IQSEC3: variants seen among roughly 807,000 people sequenced by gnomAD.
IQSEC3 encodes the protein IQ motif and Sec7 domain ArfGEF 3, also known as IQ motif and SEC7 domain-containing protein 3.
IQSEC3 carries 50 observed loss-of-function variants against 105.4 expected under a neutral mutation model. The ratio of observed to expected loss-of-function variants is 0.47; its 90% CI spans 0.38 to 0.60. The LOEUF is 0.60. IQSEC3 is among the 20% of genes least tolerant of loss of function. IQSEC3 has a pLI of 0.00. For synonymous variants in IQSEC3, 708 were observed against 746.0 expected, an observed-to-expected ratio of 0.95 and a Z score of 0.83; for missense variants, 1,415 against 1,630.0, an observed-to-expected ratio of 0.87 and a Z score of 2.27.
intron 1 of IQSEC3, among the ~76,000 whole-genome samples, chr12:86,751 C>T (rs1863929790): frequency 6.6e-6 from 1 of 152,094 alleles, no homozygotes; most frequent in Non-Finnish European, 1.5e-5. Flanking sequence ...TCTTGTTTGA[C>T]CTTCACAACA....
At chr12:149,442 G>C (rs547821138) in intron 5 of IQSEC3, among the ~76,000 whole-genome samples, 10 of 152,298 alleles carry the variant, frequency 6.6e-5, no homozygotes, top group African/African-American at 2.4e-4. Flanking sequence ...AGCAAAGCAG[G>C]CTGAGTAATC....
chr12:71,004 T>C (rs1163571971), intron 1 of IQSEC3, among the ~76,000 whole-genome samples: 3 of 152,272 alleles, frequency 2.0e-5, no homozygotes, highest in Non-Finnish European at 4.4e-5. Context: ...TCCCATCTTC[T>C]CTTCCTTCTA....
At position 175,152 on chromosome 12, in the gene IQSEC3, T is replaced by G. The variant is rs1385833851; in HGVS notation, c.*119T>G. 1.9e-5 allele frequency: 16 copies of G among 834,120 alleles called. No homozygotes were observed. Among genetic ancestry groups the G allele is most frequent in the Non-Finnish European group, 2.7e-5 (15 of 559,368 alleles). 51.7% of individuals were successfully genotyped at this position (834,120 alleles called of 1,614,324 possible). The stretch of plus-strand genomic sequence containing the variant: ...TCCTGGTCACTGATCACCATCATTT[T>G]GGGAAGAGAATCCCAATCCCTGGCA... On this transcript the variant is annotated 3_prime_UTR_variant, in exon 14 of 14. Transcript: ENST00000538872.
At chr12:72,121 A>G (rs565340136) in intron 1 of IQSEC3, among the ~76,000 whole-genome samples, 2 of 152,296 alleles carry the variant, frequency 1.3e-5, no homozygotes, top group South Asian at 2.1e-4. Flanking sequence ...CTCACTCCCA[A>G]TCTCTCCCCA....
intron 12 of IQSEC3, 97 bp downstream of exon 12, chr12:169,202 TC>T: frequency 4.2e-6 from 4 of 958,316 alleles, no homozygotes; most frequent in Non-Finnish European, 4.8e-6. Flanking sequence ...AGGTGCCCAT[TC>T]CCGTGGCGTG....
rs1866739039 is a variant in IQSEC3, at chr12:157,606, C to T, written c.2355C>T (p.Ala785=). 7 of 1,614,120 alleles carry T rather than the reference C, an allele frequency of 4.3e-6. No individual in the cohort carries two copies. The highest frequency in any genetic ancestry group is 5.1e-6 in the Non-Finnish European group (6 of 1,180,048). Residue 785 remains alanine (A), a synonymous_variant, in exon 7 of 14, where the codon GCC becomes GCT. Coordinates refer to ENST00000538872, the MANE Select transcript of IQSEC3 (RefSeq NM_001170738.2). ...ACACCATCTTCATCCTCGCCTTCGC[C>T]ATCATCCTCCTCAACACCGACATGT... is the stretch of plus-strand genomic sequence containing the variant. ...NPDTIFILAF[A]IILLNTDMYS... is the part of the protein sequence containing the mutation.
intron 8 of IQSEC3, 137 bp downstream of exon 8, chr12:162,202 G>A (rs1037553320): frequency 6.3e-6 from 6 of 954,234 alleles, no homozygotes; most frequent in Non-Finnish European, 9.1e-6. Flanking sequence ...TACCTACTGT[G>A]TGCCAGACAC....
Position 125,929 on chromosome 12 carries a change from A to G in IQSEC3, c.903+17A>G, listed in dbSNP as rs1865383393. On this transcript the variant is annotated intron_variant, in intron 3 of 13. Transcript: ENST00000538872. ...AATAAACAGGTACCCAGGGCCTCCT[A>G]GGGGGGCGGGGAGGGTGGTGAAGGG... 6 of 1,527,980 alleles carry G rather than the reference A, an allele frequency of 3.9e-6. No individual in the cohort carries two copies. Among genetic ancestry groups the G allele is most frequent in the Non-Finnish European group, 5.2e-6 (6 of 1,144,030 alleles). 94.7% of individuals were successfully genotyped at this position (1,527,980 alleles called of 1,614,324 possible). A position where few individuals can be genotyped will look rare whatever the true frequency, so the allele number is the denominator to read the frequency against.
chr12:173,716 C>T lies in IQSEC3; in HGVS notation c.3115-883C>T, dbSNP rs76683891. Among the ~76,000 whole-genome samples the T allele has an allele frequency of 3.7e-3, 566 of 152,246 alleles. 4 individuals are homozygous for T. Among genetic ancestry groups the T allele is most frequent in the African/African-American group, 0.012 (516 of 41,544 alleles). ...TCATAGCCACGGGCAGGGGAGCTTGCGGGTGGAACGGTGTGAGGAGTTAAA... is the reference window on the plus strand; with the variant it reads ...TCATAGCCACGGGCAGGGGAGCTTGTGGGTGGAACGGTGTGAGGAGTTAAA... On this transcript the variant is annotated intron_variant, in intron 13 of 13. Transcript: ENST00000538872.
chr12:72,295 G>A (rs1207372855), intron 1 of IQSEC3, among the ~76,000 whole-genome samples: 6 of 151,534 alleles, frequency 4.0e-5, no homozygotes, highest in East Asian at 1.9e-4. Context: ...AGCTGGGGTC[G>A]GGGCTGGGTG....
chr12:113,008 C>T (rs1864941748), intron 2 of IQSEC3, among the ~76,000 whole-genome samples: 1 of 152,066 alleles, frequency 6.6e-6, no homozygotes, highest in Non-Finnish European at 1.5e-5. Flanking sequence ...AGAGGATCGC[C>T]TCTCATTGTC....
chr12:86,537 A>C (rs1279274918), intron 1 of IQSEC3, among the ~76,000 whole-genome samples: 1 of 152,140 alleles, frequency 6.6e-6, no homozygotes, highest in Non-Finnish European at 1.5e-5. Context: ...TAAGCCTTCG[A>C]GATAGATGCT....
At chr12:128,621 C>T (rs1165942644) in intron 3 of IQSEC3, among the ~76,000 whole-genome samples, 1 of 152,232 alleles carries the variant, frequency 6.6e-6, no homozygotes, top group Non-Finnish European at 1.5e-5. Flanking sequence ...CTCCTTCCTT[C>T]GCCTCTGCTC....
chr12:93,662 T>G (rs782212309), intron 1 of IQSEC3, among the ~76,000 whole-genome samples: 2 of 152,220 alleles, frequency 1.3e-5, no homozygotes, highest in Non-Finnish European at 2.9e-5. Context: ...CCTTTCTTGA[T>G]GTGAATGTTT....
chr12:103,667 T>G (rs1471362525), intron 2 of IQSEC3, among the ~76,000 whole-genome samples: 1 of 13,588 alleles, frequency 7.4e-5, no homozygotes, highest in African/African-American at 4.4e-4. Context: ...TGGAGTTCGG[T>G]GGGGAGGCAG....
chr12:137,018 G>A (rs892325762), intron 3 of IQSEC3, among the ~76,000 whole-genome samples: 1 of 152,108 alleles, frequency 6.6e-6, no homozygotes, highest in Non-Finnish European at 1.5e-5. Context: ...ATCTGCCCAG[G>A]TGAGGTGCCA....
intron 2 of IQSEC3, among the ~76,000 whole-genome samples, chr12:125,350 A>G (rs1865351843): frequency 6.6e-6 from 1 of 152,064 alleles, no homozygotes. Flanking sequence ...GCCCAGATGC[A>G]CCGCTCTGCC....
intron 1 of IQSEC3, among the ~76,000 whole-genome samples, chr12:70,563 T>C (rs572631215): frequency 6.6e-6 from 1 of 152,400 alleles, no homozygotes; most frequent in African/African-American, 2.4e-5. Flanking sequence ...ATTTTTTCAA[T>C]CAAGGCTCAC....
intron 1 of IQSEC3, among the ~76,000 whole-genome samples, chr12:98,458 C>T (rs983039492): frequency 4.6e-5 from 7 of 152,194 alleles, no homozygotes; most frequent in African/African-American, 1.4e-4. Context: ...GCAGCTAGGG[C>T]TGAGAACCAC....
Sources: gnomAD v4.1 joint callset for allele counts (sites outside exome capture counted in the v4.1 genomes callset) on GRCh38, gnomAD v4.1.1 for gene constraint, MANE v1.5 for transcripts, NCBI Gene and HGNC (gene_info 2026-07-23, HGNC 2026-07-21) for gene names.